PLAC1: variants seen among roughly 807,000 people sequenced by gnomAD.
The protein encoded by PLAC1 is placenta associated 1.
For synonymous variants in PLAC1, 68 were observed against 62.1 expected (o/e 1.09, Z -0.44); for missense variants, 136 against 163.2 (o/e 0.83, Z 0.91).
chrX:134,622,129 G>T (rs1425102465), intron 1 of PLAC1, among the ~76,000 whole-genome samples: 2 of 112,102 alleles, frequency 1.8e-5, no homozygotes, highest in Admixed American at 1.9e-4. Flanking sequence ...GGCTGTATCA[G>T]TTGGCAGATG....
At chrX:134,621,941 C>A (rs2078213019) in intron 1 of PLAC1, among the ~76,000 whole-genome samples, 1 of 111,645 alleles carries the variant, frequency 9.0e-6, no homozygotes, top group Non-Finnish European at 1.9e-5. Flanking sequence ...TGGAAGCCAG[C>A]CCACAATATT....
intron 1 of PLAC1, among the ~76,000 whole-genome samples, chrX:134,637,763 G>A (rs902349615): frequency 5.4e-5 from 6 of 111,512 alleles, no homozygotes; most frequent in African/African-American, 1.3e-4. Context: ...CAGGAGAATC[G>A]CTTGAACCCG....
chrX:134,566,145 G>C lies in PLAC1; in HGVS notation c.538C>G (p.Gln180Glu). 1 of 1,210,630 alleles carries C rather than the reference G, an allele frequency of 8.3e-7. No individual in the cohort carries two copies. The highest frequency in any genetic ancestry group is 1.1e-6 in the Non-Finnish European group (1 of 894,445). ...EEEHTQVPCH[Q>E]AGAQEAQPLQ... Reference sequence around the variant, plus strand: ...GGTTGAGCCTCCTGAGCCCCTGCTTGGTGACAAGGGACCTGGGTATGCTCT... The same window carrying C: ...GGTTGAGCCTCCTGAGCCCCTGCTTCGTGACAAGGGACCTGGGTATGCTCT... Residue 180 changes from glutamine to glutamate, a missense_variant, in exon 3 of 3, where the codon CAA becomes GAA. Coordinates refer to ENST00000359237, the MANE Select transcript of PLAC1 (RefSeq NM_021796.4).
intron 1 of PLAC1, among the ~76,000 whole-genome samples, chrX:134,630,222 C>G (rs746935752): frequency 9.0e-6 from 1 of 111,518 alleles, no homozygotes. Context: ...CTGCCCCCCT[C>G]GGCCTCCCAA....
At chrX:134,650,916 C>A in intron 1 of PLAC1, 1 of 177,223 alleles carries the variant, frequency 5.6e-6, no homozygotes, top group East Asian at 1.5e-4. Flanking sequence ...TCTTCTGGAG[C>A]CAAAGATGAA....
chrX:134,726,262 A>G (rs1412120729), intron 2 of PLAC1, among the ~76,000 whole-genome samples: 2 of 111,040 alleles, frequency 1.8e-5, no homozygotes, highest in African/African-American at 6.6e-5. Flanking sequence ...CTCAAGCATT[A>G]CCTCCTGCTA....
chrX:134,608,715 C>T (rs1346438031), intron 1 of PLAC1, among the ~76,000 whole-genome samples: 20 of 102,174 alleles, frequency 2.0e-4, no homozygotes, highest in African/African-American at 6.1e-4. Flanking sequence ...CTTGCTCTGT[C>T]GCCAGGCTGG....
intron 2 of PLAC1, among the ~76,000 whole-genome samples, chrX:134,664,148 G>A (rs766975206): frequency 7.6e-4 from 85 of 111,519 alleles, no homozygotes; most frequent in African/African-American, 2.8e-3. Flanking sequence ...GGGTGCCTCA[G>A]AATCACCTGG....
intron 2 of PLAC1, among the ~76,000 whole-genome samples, chrX:134,680,672 G>A (rs1369858840): frequency 8.9e-6 from 1 of 111,755 alleles, no homozygotes; most frequent in Non-Finnish European, 1.9e-5. Flanking sequence ...CCCAGCTAAG[G>A]GTTTGGAAAA....
chrX:134,656,949 G>A (rs1164292699), intron 1 of PLAC1, among the ~76,000 whole-genome samples: 1 of 111,172 alleles, frequency 9.0e-6, no homozygotes, highest in African/African-American at 3.3e-5. Flanking sequence ...TGGATGGCCA[G>A]GGCCCCTTGA....
intron 1 of PLAC1, among the ~76,000 whole-genome samples, chrX:134,610,704 G>T (rs1264197522): frequency 8.9e-6 from 1 of 111,993 alleles, no homozygotes; most frequent in African/African-American, 3.2e-5. Flanking sequence ...GTAGGAGAGT[G>T]ACAAGCTGGA....
chrX:134,741,466 G>A (rs1200413866), intron 1 of PLAC1, among the ~76,000 whole-genome samples: 1 of 111,550 alleles, frequency 9.0e-6, no homozygotes, highest in East Asian at 2.8e-4. Context: ...GACAGGAACT[G>A]TCTGGAAATT....
At chrX:134,703,600 T>C (rs896919470) in intron 2 of PLAC1, among the ~76,000 whole-genome samples, 1 of 110,594 alleles carries the variant, frequency 9.0e-6, no homozygotes, top group Non-Finnish European at 1.9e-5. Context: ...CAAGAAACAA[T>C]GGAGCAAAAA....
At chrX:134,608,427 A>G (rs1420433831) in intron 1 of PLAC1, among the ~76,000 whole-genome samples, 2 of 112,227 alleles carry the variant, frequency 1.8e-5, no homozygotes, top group African/African-American at 3.2e-5. Context: ...GCAGCCAGAC[A>G]CAAAAAGACT....
chrX:134,705,751 A>C (rs1379093395), intron 2 of PLAC1, among the ~76,000 whole-genome samples: 1 of 112,033 alleles, frequency 8.9e-6, no homozygotes, highest in Non-Finnish European at 1.9e-5. Flanking sequence ...ATATATACAC[A>C]CACAACAGTT....
chrX:134,622,546 G>A (rs1423158562), intron 1 of PLAC1, among the ~76,000 whole-genome samples: 3 of 111,123 alleles, frequency 2.7e-5, no homozygotes. Context: ...TTGCAATTTG[G>A]ATACTGCTCA....
At chrX:134,713,395 A>T (rs1472438076) in intron 2 of PLAC1, among the ~76,000 whole-genome samples, 2 of 112,682 alleles carry the variant, frequency 1.8e-5, no homozygotes, top group Non-Finnish European at 3.7e-5. Context: ...GATTTTTATT[A>T]AAGACTGTTT....
At position 134,676,916 on chromosome X, in the gene PLAC1, C is replaced by T. The variant is rs1024831747; in HGVS notation, n.174+56519G>A. Among the ~76,000 whole-genome samples, 3 of 112,056 alleles carry T rather than the reference C, an allele frequency of 2.7e-5. No homozygotes were observed. The Admixed American group carries it at 2.8e-4, about 11-fold the overall frequency. On this transcript the variant is annotated intron_variant and non_coding_transcript_variant, in intron 2 of 2. Transcript: ENST00000466797. ...GCCTTGGGCAAAGTTACTAAATGTC[C>T]CTGTGCCTTCGTTTCCTTGGCAGTA... is the stretch of plus-strand genomic sequence containing the variant.
At chrX:134,598,135 C>T (rs1027197147) in intron 2 of PLAC1, among the ~76,000 whole-genome samples, 15 of 112,305 alleles carry the variant, frequency 1.3e-4, no homozygotes, top group African/African-American at 4.8e-4. Flanking sequence ...TTTAGGATCC[C>T]ACGTCTCTGA....
Sources: gnomAD v4.1 joint callset for allele counts (sites outside exome capture counted in the v4.1 genomes callset) on GRCh38, gnomAD v4.1.1 for gene constraint, MANE v1.5 for transcripts, NCBI Gene and HGNC (gene_info 2026-07-23, HGNC 2026-07-21) for gene names.